The following PCDHA3 variants were observed in gnomAD, a reference collection of about 807,000 sequenced individuals.
PCDHA3 encodes the protein protocadherin alpha-3.
Under a neutral mutation model 62.2 loss-of-function variants are expected in PCDHA3, and 41 were observed. The ratio of observed to expected loss-of-function variants is 0.66; its 90% CI spans 0.51 to 0.86. PCDHA3 has a LOEUF of 0.86. Among genes scored for constraint, PCDHA3 ranks in the 40% least tolerant of loss-of-function variants. PCDHA3 has a pLI of 0.00. For synonymous variants in PCDHA3, 640 were observed against 555.4 expected, an observed-to-expected ratio of 1.15 and a Z score of -2.14; for missense variants, 1,304 against 1,241.2, an observed-to-expected ratio of 1.05 and a Z score of -0.76.
At chr5:140,890,204 CT>C (rs1256018806) in intron 1 of PCDHA3, among the ~76,000 whole-genome samples, 2 of 151,984 alleles carry the variant, frequency 1.3e-5, no homozygotes, top group African/African-American at 4.8e-5. Context: ...TTTTGTTTTT[CT>C]TTTTTCCCAG....
chr5:140,887,624 GT>G (rs1369272233), intron 1 of PCDHA3, among the ~76,000 whole-genome samples: 1 of 151,558 alleles, frequency 6.6e-6, no homozygotes, highest in Non-Finnish European at 1.5e-5. Flanking sequence ...TTTTCTTTAT[GT>G]TAGTCTGTTG....
intron 1 of PCDHA3, chr5:140,805,211 A>G (rs536926941): frequency 7.0e-7 from 1 of 1,421,082 alleles, no homozygotes; most frequent in African/African-American, 1.4e-5. Flanking sequence ...CCAAATAAAC[A>G]TTGTTTTCTA....
chr5:140,986,291 A>C (rs1554247870), intron 3 of PCDHA3, among the ~76,000 whole-genome samples: 1 of 152,142 alleles, frequency 6.6e-6, no homozygotes, highest in East Asian at 1.9e-4. Context: ...CTTGAGACTG[A>C]GCAGAGAGAG....
chr5:140,937,199 G>A (rs2091405017), intron 1 of PCDHA3, among the ~76,000 whole-genome samples: 2 of 151,792 alleles, frequency 1.3e-5, no homozygotes, highest in Admixed American at 6.6e-5. Context: ...CACCATGCCC[G>A]GCTAATTTTT....
intron 1 of PCDHA3, chr5:140,870,432 G>T (rs368823990): frequency 4.3e-6 from 7 of 1,614,134 alleles, no homozygotes; most frequent in Non-Finnish European, 5.1e-6. Flanking sequence ...TATCCGTGGA[G>T]GTGGCCGACG....
intron 1 of PCDHA3, among the ~76,000 whole-genome samples, chr5:140,977,768 A>G (rs1264929933): frequency 1.3e-5 from 2 of 152,218 alleles, no homozygotes; most frequent in Non-Finnish European, 1.5e-5. Context: ...AATACTTTGC[A>G]TCCCTTAAAG....
At chr5:140,928,986 C>G (rs2085702741) in intron 1 of PCDHA3, 1 of 1,613,874 alleles carries the variant, frequency 6.2e-7, no homozygotes, top group East Asian at 2.2e-5. Flanking sequence ...TTCTGGGGTG[C>G]TTACTTTTCT....
intron 3 of PCDHA3, among the ~76,000 whole-genome samples, chr5:141,007,302 G>A (rs1211833053): frequency 6.7e-6 from 1 of 150,298 alleles, no homozygotes; most frequent in Non-Finnish European, 1.5e-5. Context: ...TGTAATCTTA[G>A]CATTTTGGGA....
intron 1 of PCDHA3, chr5:140,870,180 A>G: frequency 1.2e-6 from 2 of 1,614,112 alleles, no homozygotes; most frequent in Non-Finnish European, 8.5e-7. Context: ...TCCCAGTACG[A>G]GAGGACGCTC....
At chr5:140,893,273 A>G (rs1381847994) in intron 1 of PCDHA3, among the ~76,000 whole-genome samples, 1 of 152,150 alleles carries the variant, frequency 6.6e-6, no homozygotes, top group Non-Finnish European at 1.5e-5. Context: ...CAATAGTGGA[A>G]TTGCTGGATG....
intron 3 of PCDHA3, among the ~76,000 whole-genome samples, chr5:140,990,780 GACGATGA>G (rs1554251732): frequency 6.6e-6 from 1 of 152,192 alleles, no homozygotes; most frequent in Non-Finnish European, 1.5e-5. Flanking sequence ...CTCTGTGTTG[GACGATGA>G]ACCATGGAAT....
intron 1 of PCDHA3, among the ~76,000 whole-genome samples, chr5:140,961,280 C>T (rs246003): frequency 7.2e-5 from 11 of 152,104 alleles, no homozygotes; most frequent in Non-Finnish European, 1.0e-4. Flanking sequence ...TACCATGGCT[C>T]TGTTTCTTGA....
intron 1 of PCDHA3, among the ~76,000 whole-genome samples, chr5:140,818,806 G>T (rs2150102424): frequency 3.3e-5 from 5 of 152,192 alleles, no homozygotes; most frequent in African/African-American, 1.2e-4. Flanking sequence ...CTCCAGCCTC[G>T]GTCAGAGTGA....
intron 1 of PCDHA3, chr5:140,809,078 A>G: frequency 6.2e-7 from 1 of 1,613,922 alleles, no homozygotes; most frequent in South Asian, 1.1e-5. Context: ...CACTGGCGAG[A>G]TCAGCACAAC....
At chr5:140,916,463 G>A (rs934007072) in intron 1 of PCDHA3, among the ~76,000 whole-genome samples, 2 of 152,212 alleles carry the variant, frequency 1.3e-5, no homozygotes, top group African/African-American at 2.4e-5. Flanking sequence ...TATCACTGCT[G>A]GTTATTTGGT....
Position 140,997,281 on chromosome 5 carries a change from T to C in PCDHA3, c.2543-12346T>C, listed in dbSNP as rs143161972. Reference sequence around the variant, plus strand: ...CTCTTCCAAATATTTCTTGCATCACTTAACAATGGGGATACACTGAGAAAT... The same window carrying C: ...CTCTTCCAAATATTTCTTGCATCACCTAACAATGGGGATACACTGAGAAAT... On this transcript the variant is annotated intron_variant, in intron 3 of 3. Transcript: ENST00000522353. 1.4e-3 allele frequency among the ~76,000 whole-genome samples: 209 copies of C among 152,340 alleles called. 2 individuals carry two copies. Among genetic ancestry groups the C allele is most frequent in the African/African-American group, 4.7e-3 (195 of 41,574 alleles).
chr5:140,998,910 A>T (rs1346967203), intron 3 of PCDHA3, among the ~76,000 whole-genome samples: 1 of 152,230 alleles, frequency 6.6e-6, no homozygotes, highest in South Asian at 2.1e-4. Context: ...TCCGGGAGGT[A>T]GCTATTATAT....
chr5:140,875,771 C>A (rs182160950), intron 1 of PCDHA3: 3 of 1,614,080 alleles, frequency 1.9e-6, no homozygotes, highest in Non-Finnish European at 2.5e-6. Context: ...GGGCGGAGCG[C>A]GGAGTGCAGT....
chr5:140,902,734 C>T (rs1345954248), intron 1 of PCDHA3, among the ~76,000 whole-genome samples: 1 of 151,052 alleles, frequency 6.6e-6, no homozygotes, highest in Non-Finnish European at 1.5e-5. Flanking sequence ...CCCTCCAAGT[C>T]CCCCAAATCC....
Sources: allele counts gnomAD v4.1 joint callset (sites outside exome capture counted in the v4.1 genomes callset), GRCh38; gene constraint gnomAD v4.1.1; transcripts MANE v1.5; gene names NCBI Gene and HGNC (gene_info 2026-07-23, HGNC 2026-07-21).